Variants in BACE2 observed in about 807,000 individuals in gnomAD.
BACE2 encodes the protein 56 kDa aspartic-like protease.
Under a neutral mutation model 46.2 loss-of-function variants are expected in BACE2, and 17 were observed. The ratio of observed to expected loss-of-function variants is 0.37; its 90% CI spans 0.25 to 0.55. The LOEUF (loss-of-function observed/expected upper bound fraction) is 0.55. Ranked by LOEUF, BACE2 falls within the 20% of genes least tolerant of loss-of-function variation. The pLI, the probability that BACE2 is intolerant of heterozygous loss-of-function variation, is 0.82. For synonymous variants in BACE2, 277 were observed against 295.9 expected (o/e 0.94, Z 0.66); for missense variants, 595 against 698.1 (o/e 0.85, Z 1.66).
intron 1 of BACE2, chr21:41,181,984 G>T (rs1985143898): frequency 6.0e-6 from 1 of 167,058 alleles, no homozygotes; most frequent in African/African-American, 2.4e-5. Context: ...ATTAACAGTG[G>T]CATCATGGTA....
At chr21:41,200,830 C>T (rs1985942306) in intron 1 of BACE2, among the ~76,000 whole-genome samples, 1 of 152,214 alleles carries the variant, frequency 6.6e-6, no homozygotes, top group Non-Finnish European at 1.5e-5. Context: ...CCTGCCCACA[C>T]CTTGATCTGA....
At chr21:41,237,769 G>A (rs779157905) in intron 3 of BACE2, 40 bp downstream of exon 3, 1 of 1,549,122 alleles carries the variant, frequency 6.5e-7, no homozygotes, top group Non-Finnish European at 8.9e-7. Flanking sequence ...CAAATAACAG[G>A]ATGAGATTCT....
In BACE2 at chr21:41,168,552, C is replaced by A; in HGVS notation, c.289C>A (p.Leu97Met). ...DSGRGYYLEM[L>M]IGTPPQKLQI... ...TGGCCGCGGCTACTACCTGGAGATG[C>A]TGATCGGGACCCCCCCGCAGAAGGT... The change falls in exon 1 of 9, where the codon CTG becomes ATG. Residue 97 changes from leucine (L) to methionine (M), a missense_variant. This residue lies in a region of BACE2 where 248 missense variants were observed against 261.4 expected (regional missense o/e 0.95). Coordinates refer to ENST00000330333, the MANE Select transcript of BACE2 (RefSeq NM_012105.5). 1 of 1,333,438 alleles carries A rather than the reference C, an allele frequency of 7.5e-7. No individual in the cohort carries two copies. 82.6% of individuals were successfully genotyped at this position (1,333,438 alleles called of 1,614,324 possible). A position where few individuals can be genotyped will look rare whatever the true frequency, so the allele number is the denominator to read the frequency against.
chr21:41,226,717 T>A (rs1373865279), intron 2 of BACE2, among the ~76,000 whole-genome samples: 1 of 152,018 alleles, frequency 6.6e-6, no homozygotes, highest in Non-Finnish European at 1.5e-5. Flanking sequence ...GGGGACGAGG[T>A]CTTGGGAGTC....
At chr21:41,212,532 G>A (rs950271652) in intron 1 of BACE2, among the ~76,000 whole-genome samples, 1 of 152,182 alleles carries the variant, frequency 6.6e-6, no homozygotes, top group Non-Finnish European at 1.5e-5. Flanking sequence ...GGCGGGAGGA[G>A]GAGGTCAATA....
intron 6 of BACE2, 129 bp downstream of exon 6, chr21:41,246,192 T>A: frequency 1.9e-6 from 1 of 533,694 alleles, no homozygotes; most frequent in Non-Finnish European, 3.2e-6. Context: ...TATTGTGTAT[T>A]TGTATATTTT....
intron 1 of BACE2, among the ~76,000 whole-genome samples, chr21:41,217,687 T>C (rs1277441515): frequency 6.6e-6 from 1 of 152,240 alleles, no homozygotes; most frequent in African/African-American, 2.4e-5. Flanking sequence ...CTTGCTCTTT[T>C]CACATCAGCC....
rs2088495909 is a variant in BACE2, at chr21:41,276,919, G to A, written c.*1295G>A. The A allele has an allele frequency of 6.6e-6, 1 of 152,130 alleles. No homozygotes were observed. Among genetic ancestry groups the A allele is most frequent in the Non-Finnish European group, 1.5e-5 (1 of 68,034 alleles). 9.4% of individuals were successfully genotyped at this position (152,130 alleles called of 1,614,324 possible). On this transcript the variant is annotated 3_prime_UTR_variant, in exon 9 of 9. Coordinates refer to ENST00000330333, the MANE Select transcript of BACE2 (RefSeq NM_012105.5). ...TTGTGCAGTGGTAGCCTTATTTCGG[G>A]GGGCAGTCCCTACTTTCTGTCACTT...
chr21:41,251,269 C>G (rs1987629002), intron 7 of BACE2, among the ~76,000 whole-genome samples: 1 of 152,164 alleles, frequency 6.6e-6, no homozygotes, highest in African/African-American at 2.4e-5. Context: ...AGAAAAGAAC[C>G]ACACAGGGGC....
chr21:41,183,628 C>T (rs12106401), intron 1 of BACE2: 3 of 167,158 alleles, frequency 1.8e-5, no homozygotes, highest in Non-Finnish European at 4.4e-5. Flanking sequence ...GGAGTCCCCA[C>T]GCCACTGGAG....
intron 2 of BACE2, among the ~76,000 whole-genome samples, chr21:41,232,302 C>T (rs1244023331): frequency 1.3e-5 from 2 of 152,304 alleles, no homozygotes; most frequent in East Asian, 1.9e-4. Context: ...GTCACCACCT[C>T]GCCTTGACCT....
At chr21:41,230,109 C>A (rs557007139) in intron 2 of BACE2, 1 of 152,302 alleles carries the variant, frequency 6.6e-6, no homozygotes, top group Non-Finnish European at 1.5e-5. Flanking sequence ...CATCACGCAC[C>A]TTTTGGGTGT....
In BACE2 at chr21:41,215,019, G is replaced by A. The variant is rs372263825; in HGVS notation, c.313-11247G>A. 2.0e-5 allele frequency among the ~76,000 whole-genome samples: 3 copies of A among 152,276 alleles called. 1 individual carries two copies. On this transcript the variant is annotated intron_variant, in intron 1 of 8. Coordinates refer to ENST00000330333, the MANE Select transcript of BACE2 (RefSeq NM_012105.5). Reference sequence around the variant, plus strand: ...GCTTCACTGAGGCCTGGTCACTTGCGGCCAGCACTGCCTGCAGGCTGGACA... The same window carrying A: ...GCTTCACTGAGGCCTGGTCACTTGCAGCCAGCACTGCCTGCAGGCTGGACA...
At chr21:41,252,194 A>C (rs1987660137) in intron 7 of BACE2, among the ~76,000 whole-genome samples, 1 of 152,142 alleles carries the variant, frequency 6.6e-6, no homozygotes, top group African/African-American at 2.4e-5. Flanking sequence ...CGCTCCTGGC[A>C]TCGCTGTCCA....
Position 41,280,918 on chromosome 21 carries a change from G to A in BACE2, c.*5294G>A, listed in dbSNP as rs1160849504. 1.3e-5 allele frequency: 2 copies of A among 152,230 alleles called. No homozygotes were observed. The highest frequency in any genetic ancestry group is 2.9e-5 in the Non-Finnish European group (2 of 68,056). 9.4% of individuals were successfully genotyped at this position (152,230 alleles called of 1,614,324 possible). A position where few individuals can be genotyped will look rare whatever the true frequency, so the allele number is the denominator to read the frequency against. ...AAAAAGCACACCGTGGGTAGTGACT[G>A]GGCCAAGAGACATCACAAAGCTTCC... On this transcript the variant is annotated 3_prime_UTR_variant, in exon 9 of 9. Transcript: ENST00000330333.
chr21:41,192,895 CA>C (rs1985623448), intron 1 of BACE2, among the ~76,000 whole-genome samples: 1 of 152,244 alleles, frequency 6.6e-6, no homozygotes, highest in Admixed American at 6.5e-5. Context: ...GGACTAAATG[CA>C]GCAACTTATC....
chr21:41,250,680 G>A, intron 6 of BACE2, 72 bp from the exon 7 acceptor site: 1 of 1,482,128 alleles, frequency 6.7e-7, no homozygotes, highest in Non-Finnish European at 9.4e-7. Context: ...AGGTGGCTAG[G>A]AAAGCCTGGA....
intron 1 of BACE2, among the ~76,000 whole-genome samples, chr21:41,170,215 CA>C (rs34756203): frequency 6.7e-5 from 10 of 148,274 alleles, no homozygotes; most frequent in South Asian, 4.2e-4. Flanking sequence ...CTTTGGCAAT[CA>C]AAAAAAAAAA....
intron 1 of BACE2, among the ~76,000 whole-genome samples, chr21:41,197,474 C>T (rs1353341208): frequency 2.0e-5 from 3 of 152,020 alleles, no homozygotes; most frequent in Non-Finnish European, 2.9e-5. Flanking sequence ...AAGTGAGAAG[C>T]GTAACATCTC....
Sources: gnomAD v4.1 joint callset for allele counts (sites outside exome capture counted in the v4.1 genomes callset) on GRCh38, gnomAD v4.1.1 for gene constraint, gnomAD v4.1.1 regional missense constraint, MANE v1.5 for transcripts, NCBI Gene and HGNC (gene_info 2026-07-23, HGNC 2026-07-21) for gene names.